The following SLIT3 variants were observed in gnomAD, a reference collection of about 807,000 sequenced individuals.
The protein encoded by SLIT3 is slit homolog 3 protein.
Under a neutral mutation model 184.0 loss-of-function variants are expected in SLIT3, and 68 were observed. That is an observed-to-expected ratio of 0.37 (90% CI 0.30 to 0.45). SLIT3 has a LOEUF of 0.45. Among genes scored for constraint, SLIT3 ranks in the 20% least tolerant of loss-of-function variants. The probability of loss-of-function intolerance (pLI) is 1.00; values close to 1 mark genes in which losing one functional copy is unlikely to be tolerated. For synonymous variants in SLIT3, 831 were observed against 828.6 expected (o/e 1.00, Z -0.05); for missense variants, 1,707 against 2,026.0 (o/e 0.84, Z 3.02).
intron 4 of SLIT3, among the ~76,000 whole-genome samples, chr5:169,153,451 G>A (rs1262743515): frequency 1.3e-5 from 2 of 152,228 alleles, no homozygotes; most frequent in Admixed American, 6.5e-5. Flanking sequence ...CCTGTAAACT[G>A]TGGCAGTGGA....
At chr5:169,016,382 G>C (rs1756376476) in intron 4 of SLIT3, among the ~76,000 whole-genome samples, 1 of 152,158 alleles carries the variant, frequency 6.6e-6, no homozygotes, top group Admixed American at 6.5e-5. Flanking sequence ...CGGGTGAAAT[G>C]ACCAGCAACT....
rs751206446 is a variant in SLIT3, at chr5:168,683,924, C to T, written c.3686+42G>A. The T allele has an allele frequency of 8.1e-5, 115 of 1,417,064 alleles. No homozygotes were observed. The South Asian group carries it at 1.7e-3, about 22-fold the overall frequency. The allele number at this position is 1,417,064 out of a possible 1,614,324, so 87.8% of individuals were successfully genotyped here. A position where few individuals can be genotyped will look rare whatever the true frequency, so the allele number is the denominator to read the frequency against. ...TTGCAGGCCCAGAGGCAGAAGGATGCGGAGGAACACACAGTGGGTCAGGAG... is the reference window on the plus strand; with the variant it reads ...TTGCAGGCCCAGAGGCAGAAGGATGTGGAGGAACACACAGTGGGTCAGGAG... On this transcript the variant is annotated intron_variant, in intron 32 of 35. Transcript: ENST00000519560.
chr5:168,893,284 T>A, intron 4 of SLIT3, among the ~76,000 whole-genome samples: 1 of 152,216 alleles, frequency 6.6e-6, no homozygotes, highest in East Asian at 1.9e-4. Context: ...TGAAGCTGTG[T>A]GTCTGCCCAG....
chr5:168,740,418 T>C (rs963235117), intron 20 of SLIT3, among the ~76,000 whole-genome samples: 2 of 152,246 alleles, frequency 1.3e-5, no homozygotes, highest in East Asian at 3.8e-4. Flanking sequence ...AGAGAAATGC[T>C]GGGCAACTTT....
intron 4 of SLIT3, among the ~76,000 whole-genome samples, chr5:168,899,307 G>T (rs1272924983): frequency 6.6e-6 from 1 of 152,188 alleles, no homozygotes; most frequent in African/African-American, 2.4e-5. Flanking sequence ...CTTGAGGTCA[G>T]AAGTTCAAGA....
intron 20 of SLIT3, among the ~76,000 whole-genome samples, chr5:168,737,948 C>T (rs1285340389): frequency 6.6e-6 from 1 of 152,180 alleles, no homozygotes; most frequent in African/African-American, 2.4e-5. Context: ...ATTCTGGTGA[C>T]TTTGAGGGCT....
chr5:168,842,434 T>C (rs1198139191), intron 6 of SLIT3, among the ~76,000 whole-genome samples: 4 of 151,054 alleles, frequency 2.6e-5, no homozygotes, highest in Non-Finnish European at 4.4e-5. Context: ...AGCTTCAACT[T>C]GGAGACACCT....
At chr5:169,061,209 C>G (rs1758162856) in intron 4 of SLIT3, among the ~76,000 whole-genome samples, 1 of 152,178 alleles carries the variant, frequency 6.6e-6, no homozygotes, top group East Asian at 1.9e-4. Flanking sequence ...TCAACTTAGC[C>G]AGGGTGGAAA....
chr5:169,157,864 A>T (rs893419760), intron 4 of SLIT3, among the ~76,000 whole-genome samples: 1 of 152,212 alleles, frequency 6.6e-6, no homozygotes, highest in African/African-American at 2.4e-5. Flanking sequence ...TCAGGAAAAA[A>T]TAGCCAAAAT....
chr5:168,681,089 C>A (rs1582522395), intron 32 of SLIT3, among the ~76,000 whole-genome samples: 1 of 152,318 alleles, frequency 6.6e-6, no homozygotes, highest in South Asian at 2.1e-4. Context: ...GTGGAGGTTG[C>A]AGGGAGCTGT....
At chr5:168,880,405 C>G (rs1759908172) in intron 5 of SLIT3, among the ~76,000 whole-genome samples, 2 of 152,258 alleles carry the variant, frequency 1.3e-5, no homozygotes, top group Admixed American at 1.3e-4. Flanking sequence ...GATCCCTCCA[C>G]TCCCATGAGA....
chr5:168,788,402 A>G (rs977126538), intron 11 of SLIT3, among the ~76,000 whole-genome samples: 2 of 152,206 alleles, frequency 1.3e-5, no homozygotes, highest in African/African-American at 4.8e-5. Flanking sequence ...GAATATGTGC[A>G]TCTGGTTACC....
intron 6 of SLIT3, among the ~76,000 whole-genome samples, chr5:168,824,539 C>T (rs781707038): frequency 7.9e-5 from 12 of 152,310 alleles, no homozygotes; most frequent in African/African-American, 1.4e-4. Flanking sequence ...AGAAACATCA[C>T]GTAGCAGGAG....
intron 4 of SLIT3, among the ~76,000 whole-genome samples, chr5:168,984,062 TA>T (rs200935623): frequency 0.012 from 1,733 of 148,224 alleles, 45 homozygotes; most frequent in East Asian, 0.11. Flanking sequence ...AATATATATA[TA>T]TTTTTTTTAA....
At chr5:168,708,374 G>A (rs1193973183) in intron 25 of SLIT3, 1 of 518,728 alleles carries the variant, frequency 1.9e-6, no homozygotes, top group Non-Finnish European at 3.5e-6. Flanking sequence ...ATCCGATTTT[G>A]GTGCTAATCT....
intron 4 of SLIT3, among the ~76,000 whole-genome samples, chr5:169,112,463 A>G (rs1313555771): frequency 6.6e-6 from 1 of 152,216 alleles, no homozygotes; most frequent in African/African-American, 2.4e-5. Context: ...GTAGACCCTC[A>G]TAACATTTTA....
At chr5:169,292,072 G>A (rs1767375141) in intron 1 of SLIT3, among the ~76,000 whole-genome samples, 1 of 152,128 alleles carries the variant, frequency 6.6e-6, no homozygotes, top group African/African-American at 2.4e-5. Flanking sequence ...TGTAGGCCCT[G>A]GTCCCCTATG....
chr5:168,910,463 G>A (rs187946378), intron 4 of SLIT3, among the ~76,000 whole-genome samples: 3 of 152,092 alleles, frequency 2.0e-5, no homozygotes, highest in Non-Finnish European at 2.9e-5. Context: ...CACAATTGCC[G>A]CCGGGCGTGG....
chr5:169,050,251 T>A (rs1757769064), intron 4 of SLIT3, among the ~76,000 whole-genome samples: 1 of 152,214 alleles, frequency 6.6e-6, no homozygotes, highest in South Asian at 2.1e-4. Context: ...GCACTGTATC[T>A]CCTCATGCAC....
Sources: gnomAD v4.1 joint callset for allele counts (sites outside exome capture counted in the v4.1 genomes callset) on GRCh38, gnomAD v4.1.1 for gene constraint, MANE v1.5 for transcripts, NCBI Gene and HGNC (gene_info 2026-07-23, HGNC 2026-07-21) for gene names.